Variants in SGCZ observed in about 807,000 individuals in gnomAD.
SGCZ encodes the protein sarcoglycan zeta.
A neutral mutation model predicts 41.3 loss-of-function variants in SGCZ; 40 were observed. That is an observed-to-expected ratio of 0.97 (90% CI 0.75 to 1.26). The LOEUF is 1.26. SGCZ is among the 50% of genes most tolerant of loss of function. The pLI is 0.00. For synonymous variants in SGCZ, 206 were observed against 137.5 expected (o/e 1.50, Z -3.49); for missense variants, 552 against 369.8 (o/e 1.49, Z -4.04).
chr8:14,396,405 C>G (rs576847273), intron 2 of SGCZ, among the ~76,000 whole-genome samples: 1 of 152,194 alleles, frequency 6.6e-6, no homozygotes, highest in African/African-American at 2.4e-5. Flanking sequence ...GATGAAATTC[C>G]TGATACCTAA....
intron 1 of SGCZ, among the ~76,000 whole-genome samples, chr8:14,724,106 G>T (rs1419937668): frequency 6.6e-6 from 1 of 152,134 alleles, no homozygotes; most frequent in African/African-American, 2.4e-5. Context: ...TGTAAAACTA[G>T]TGTATGAGAA....
intron 2 of SGCZ, among the ~76,000 whole-genome samples, chr8:14,506,479 A>C (rs1324615543): frequency 1.3e-5 from 2 of 148,520 alleles, no homozygotes; most frequent in Admixed American, 6.8e-5. Flanking sequence ...AAACAAACAA[A>C]ACAAGTTATT....
intron 4 of SGCZ, among the ~76,000 whole-genome samples, chr8:14,186,598 C>G (rs1486848418): frequency 6.6e-6 from 1 of 152,156 alleles, no homozygotes; most frequent in Non-Finnish European, 1.5e-5. Flanking sequence ...AGAGATTTTA[C>G]TGAGAGAGAA....
At chr8:14,494,732 T>C (rs917329434) in intron 2 of SGCZ, among the ~76,000 whole-genome samples, 2 of 152,288 alleles carry the variant, frequency 1.3e-5, no homozygotes, top group Non-Finnish European at 2.9e-5. Context: ...ACAACATCAG[T>C]AGACTTGTGA....
intron 2 of SGCZ, among the ~76,000 whole-genome samples, chr8:14,365,548 G>T (rs1480739043): frequency 6.6e-6 from 1 of 151,934 alleles, no homozygotes; most frequent in Non-Finnish European, 1.5e-5. Flanking sequence ...TCAGGTTTTG[G>T]CAACTACTTG....
intron 3 of SGCZ, among the ~76,000 whole-genome samples, chr8:14,270,105 G>A (rs1318595548): frequency 6.6e-6 from 1 of 152,128 alleles, no homozygotes. Flanking sequence ...GCCGAGGCAA[G>A]TGGAACCCCT....
chr8:15,210,798 T>C (rs1294432052), intron 1 of SGCZ, among the ~76,000 whole-genome samples: 1 of 152,052 alleles, frequency 6.6e-6, no homozygotes, highest in Non-Finnish European at 1.5e-5. Context: ...AGCCACCTAC[T>C]CTCTGAAAGC....
intron 5 of SGCZ, among the ~76,000 whole-genome samples, chr8:14,150,060 T>A (rs1803651401): frequency 6.6e-6 from 1 of 152,016 alleles, no homozygotes. Flanking sequence ...AAGACATAGA[T>A]CTATGAAACT....
chr8:15,173,765 T>C (rs1032386867), intron 1 of SGCZ, among the ~76,000 whole-genome samples: 4 of 152,168 alleles, frequency 2.6e-5, no homozygotes, highest in Non-Finnish European at 5.9e-5. Context: ...TTCATTCATT[T>C]ATTTAGAGAC....
intron 2 of SGCZ, among the ~76,000 whole-genome samples, chr8:14,360,885 G>C (rs1803486372): frequency 6.6e-6 from 1 of 152,094 alleles, no homozygotes; most frequent in Non-Finnish European, 1.5e-5. Context: ...TAGAGTGGCT[G>C]TACCATTCCA....
intron 2 of SGCZ, among the ~76,000 whole-genome samples, chr8:14,499,614 A>T (rs73529035): frequency 0.02 from 3,052 of 152,036 alleles, 93 homozygotes; most frequent in African/African-American, 0.07. Context: ...CCTTTCACTG[A>T]CTTTCATTTG....
At position 14,372,351 on chromosome 8, in the gene SGCZ, C is replaced by A. The variant is rs1022095017; in HGVS notation, c.235-48147G>T. 4.6e-5 allele frequency among the ~76,000 whole-genome samples: 7 copies of A among 152,238 alleles called. 1 individual carries two copies. Among genetic ancestry groups the A allele is most frequent in the Admixed American group, 4.6e-4 (7 of 15,298 alleles). On this transcript the variant is annotated intron_variant, in intron 2 of 7. Coordinates refer to ENST00000382080, the MANE Select transcript of SGCZ (RefSeq NM_139167.4). ...TAAAGAAACATCAGAAAAATAATTC[C>A]ATCATTCATTCTTTTGTTGAACAAA...
At chr8:14,268,532 C>T (rs540331479) in intron 3 of SGCZ, among the ~76,000 whole-genome samples, 2 of 151,846 alleles carry the variant, frequency 1.3e-5, no homozygotes, top group Admixed American at 1.3e-4. Flanking sequence ...GACAGTTTTT[C>T]ATAAAGCACT....
chr8:15,148,837 G>C (rs990742094), intron 1 of SGCZ, among the ~76,000 whole-genome samples: 4 of 152,174 alleles, frequency 2.6e-5, no homozygotes, highest in Admixed American at 2.6e-4. Context: ...AAAGAGGAGA[G>C]TGAAAGAATC....
At chr8:15,131,335 G>A (rs530411488) in intron 1 of SGCZ, among the ~76,000 whole-genome samples, 1 of 152,158 alleles carries the variant, frequency 6.6e-6, no homozygotes, top group Admixed American at 6.5e-5. Context: ...CCTTTCACTT[G>A]GCTCTCATTC....
intron 1 of SGCZ, among the ~76,000 whole-genome samples, chr8:15,159,348 C>A (rs879278400): frequency 6.6e-6 from 1 of 152,046 alleles, no homozygotes. Context: ...AACATGGTTC[C>A]CTGAGTTCTG....
At chr8:14,283,762 C>G (rs1453244836) in intron 3 of SGCZ, among the ~76,000 whole-genome samples, 4 of 152,166 alleles carry the variant, frequency 2.6e-5, no homozygotes, top group African/African-American at 9.7e-5. Context: ...TGGTCTCTAT[C>G]ATAACTACTC....
intron 4 of SGCZ, among the ~76,000 whole-genome samples, chr8:14,224,593 A>T (rs887303629): frequency 1.3e-5 from 2 of 152,028 alleles, no homozygotes; most frequent in South Asian, 2.1e-4. Flanking sequence ...TTTATTTATT[A>T]CTTTATTACG....
intron 1 of SGCZ, among the ~76,000 whole-genome samples, chr8:14,973,202 G>A (rs1801356175): frequency 6.6e-6 from 1 of 152,024 alleles, no homozygotes; most frequent in Middle Eastern, 3.2e-3. Context: ...TACAGCACTG[G>A]AATATCTTTC....
Sources: gnomAD v4.1 joint callset for allele counts (sites outside exome capture counted in the v4.1 genomes callset) on GRCh38, gnomAD v4.1.1 for gene constraint, MANE v1.5 for transcripts, NCBI Gene and HGNC (gene_info 2026-07-23, HGNC 2026-07-21) for gene names.